DEPTOR: variants seen among roughly 807,000 people sequenced by gnomAD.
The protein encoded by DEPTOR is DEP domain-containing mTOR-interacting protein.
A neutral mutation model predicts 41.6 loss-of-function variants in DEPTOR; 41 were observed. The ratio of observed to expected loss-of-function variants is 0.98; its 90% CI spans 0.77 to 1.28. The LOEUF is 1.28. Ranked by LOEUF, DEPTOR falls within the 50% of genes most tolerant of loss-of-function variation. DEPTOR has a pLI of 0.00. For missense variants in DEPTOR, 514 were observed against 527.9 expected, an observed-to-expected ratio of 0.97 and a Z score of 0.26; for synonymous variants, 195 against 192.3, an observed-to-expected ratio of 1.01 and a Z score of -0.12.
intron 8 of DEPTOR, among the ~76,000 whole-genome samples, chr8:120,044,028 T>C (rs552009113): frequency 1.0e-3 from 151 of 150,172 alleles, no homozygotes; most frequent in African/African-American, 3.2e-3. Flanking sequence ...AGAGATTGCA[T>C]TGGGGATGGT....
chr8:119,907,525 G>A (rs1169880662), intron 1 of DEPTOR, among the ~76,000 whole-genome samples: 2 of 152,124 alleles, frequency 1.3e-5, no homozygotes, highest in Non-Finnish European at 2.9e-5. Context: ...TGACTTTTTA[G>A]GTAGAGAAAG....
At chr8:119,967,730 G>C (rs1160711592) in intron 4 of DEPTOR, among the ~76,000 whole-genome samples, 1 of 149,848 alleles carries the variant, frequency 6.7e-6, no homozygotes, top group Non-Finnish European at 1.5e-5. Flanking sequence ...TTCCAACCTG[G>C]GTGGCAGAGC....
At chr8:119,985,573 A>G (rs990878166) in intron 4 of DEPTOR, among the ~76,000 whole-genome samples, 4 of 151,998 alleles carry the variant, frequency 2.6e-5, no homozygotes, top group Non-Finnish European at 4.4e-5. Flanking sequence ...CCATTTGTCA[A>G]TTTTGGCTTT....
At chr8:119,999,664 G>T (rs1812319247) in intron 4 of DEPTOR, among the ~76,000 whole-genome samples, 1 of 152,128 alleles carries the variant, frequency 6.6e-6, no homozygotes, top group South Asian at 2.1e-4. Context: ...ATTTCCTTAG[G>T]GACTAAGCAG....
chr8:120,001,183 G>C lies in DEPTOR; in HGVS notation c.605-342G>C, dbSNP rs182670566. On this transcript the variant is annotated intron_variant, in intron 4 of 8. Coordinates refer to ENST00000286234, the MANE Select transcript of DEPTOR (RefSeq NM_022783.4). The stretch of plus-strand genomic sequence containing the variant: ...TGATCACTGCCCCAACAAGCTTAGA[G>C]TTTAGAGGGAAAGAGAAGGGGCAGA... Among the ~76,000 whole-genome samples, 434 of 152,236 alleles carry C rather than the reference G, an allele frequency of 2.9e-3. 4 individuals are homozygous for C. The highest frequency in any genetic ancestry group is 0.01 in the African/African-American group (417 of 41,538).
intron 1 of DEPTOR, among the ~76,000 whole-genome samples, chr8:119,912,301 A>C (rs1827755671): frequency 6.6e-6 from 1 of 152,240 alleles, no homozygotes; most frequent in Non-Finnish European, 1.5e-5. Flanking sequence ...TGGCATACAC[A>C]CACACAATTC....
chr8:119,952,447 C>G (rs75043309), intron 3 of DEPTOR, among the ~76,000 whole-genome samples: 2,111 of 152,256 alleles, frequency 0.014, 50 homozygotes, highest in African/African-American at 0.049. Flanking sequence ...AGTGAACAAC[C>G]TGTATTACTG....
chr8:120,045,928 C>T (rs1813147265), intron 8 of DEPTOR, among the ~76,000 whole-genome samples: 1 of 152,202 alleles, frequency 6.6e-6, no homozygotes, highest in Admixed American at 6.5e-5. Flanking sequence ...TACCCCTGAA[C>T]ACCTGGGTAA....
At chr8:119,909,054 G>C (rs1289291086) in intron 1 of DEPTOR, among the ~76,000 whole-genome samples, 2 of 152,182 alleles carry the variant, frequency 1.3e-5, no homozygotes, top group African/African-American at 4.8e-5. Flanking sequence ...GTGAGAGTTT[G>C]TCGTATTGGC....
Position 119,928,437 on chromosome 8 carries a change from C to T in DEPTOR, c.160C>T (p.Arg54Cys), listed in dbSNP as rs747175884. The change falls in exon 2 of 9, where the codon CGT (arginine) becomes TGT (cysteine). Residue 54 changes from arginine to cysteine, a missense_variant. Transcript: ENST00000286234. ...CGAAGAAAAGGTTATTAAAGATAGA[C>T]GTCATCATCTCAAGACCTACCCAAA... ...LHEEKVIKDR[R>C]HHLKTYPNCF... The T allele has an allele frequency of 4.3e-6, 7 of 1,613,892 alleles. No homozygotes were observed. Among genetic ancestry groups the T allele is most frequent in the African/African-American group, 2.7e-5 (2 of 74,898 alleles).
intron 8 of DEPTOR, among the ~76,000 whole-genome samples, chr8:120,015,016 G>A (rs1812588070): frequency 6.6e-6 from 1 of 151,936 alleles, no homozygotes; most frequent in African/African-American, 2.4e-5. Flanking sequence ...TAGTCAGGGA[G>A]AATTTTTACA....
rs140648172 is a variant in DEPTOR, at chr8:119,926,295, T to TA, written c.123-2098dup. 3.4e-4 allele frequency among the ~76,000 whole-genome samples: 52 copies of TA among 152,242 alleles called. 1 individual carries two copies. In the East Asian group the frequency reaches 9.7e-3, roughly 28 times the overall value. On this transcript the variant is annotated intron_variant, in intron 1 of 8. Transcript: ENST00000286234. ...GATAAACATGATGATTCAGGTGCTC[T>TA]AAAAAAATCACACAACTAGCTTTCC...
At chr8:119,933,348 G>C (rs1370506944) in intron 3 of DEPTOR, among the ~76,000 whole-genome samples, 1 of 151,568 alleles carries the variant, frequency 6.6e-6, no homozygotes, top group Non-Finnish European at 1.5e-5. Context: ...AAATTAGCTG[G>C]GCGTGGTGGC....
In DEPTOR at chr8:119,899,900, C is replaced by A. The variant is rs189923437; in HGVS notation, c.122+25932C>A. ...CTTGAATTTATAAGAGCCTCTATTT[C>A]CTTTCAGTAAAGTTCCTCTTTGCTT... On this transcript the variant is annotated intron_variant, in intron 1 of 8. Coordinates refer to ENST00000286234, the MANE Select transcript of DEPTOR (RefSeq NM_022783.4). Among the ~76,000 whole-genome samples, 215 of 152,270 alleles carry A rather than the reference C, an allele frequency of 1.4e-3. 1 individual carries two copies. Among genetic ancestry groups the A allele is most frequent in the Non-Finnish European group, 2.6e-3 (174 of 68,028 alleles).
intron 3 of DEPTOR, among the ~76,000 whole-genome samples, chr8:119,937,322 C>T (rs572100245): frequency 3.9e-5 from 6 of 152,170 alleles, no homozygotes; most frequent in Admixed American, 1.3e-4. Context: ...ATCGCTTGAA[C>T]CCGGGAGGCA....
At chr8:120,003,693 G>A (rs533951331) in intron 6 of DEPTOR, among the ~76,000 whole-genome samples, 1 of 152,154 alleles carries the variant, frequency 6.6e-6, no homozygotes, top group Non-Finnish European at 1.5e-5. Context: ...GCTATCCCTG[G>A]AATTGACCCT....
At chr8:119,958,403 T>A (rs534357389) in intron 3 of DEPTOR, among the ~76,000 whole-genome samples, 2 of 152,304 alleles carry the variant, frequency 1.3e-5, no homozygotes, top group Admixed American at 1.3e-4. Context: ...TCTTAAAGCC[T>A]CACCTTAGAA....
chr8:119,993,977 T>G (rs956964393), intron 4 of DEPTOR, among the ~76,000 whole-genome samples: 1 of 151,782 alleles, frequency 6.6e-6, no homozygotes, highest in African/African-American at 2.4e-5. Flanking sequence ...GCTAACACGG[T>G]GAAAACCCAT....
At chr8:119,927,768 C>T (rs1563967958) in intron 1 of DEPTOR, among the ~76,000 whole-genome samples, 1 of 151,758 alleles carries the variant, frequency 6.6e-6, no homozygotes, top group Non-Finnish European at 1.5e-5. Context: ...GCTACCACAC[C>T]TGGCTAATTT....
Sources: allele counts gnomAD v4.1 joint callset (sites outside exome capture counted in the v4.1 genomes callset), GRCh38; gene constraint gnomAD v4.1.1; transcripts MANE v1.5; gene names NCBI Gene and HGNC (gene_info 2026-07-23, HGNC 2026-07-21).